Variants in FREM1 observed in about 807,000 individuals in gnomAD.
The protein encoded by FREM1 is FRAS1 related extracellular matrix 1, also known as FRAS1-related extracellular matrix protein 1.
A neutral mutation model predicts 210.1 loss-of-function variants in FREM1; 220 were observed. That is an observed-to-expected ratio of 1.05 (90% CI 0.94 to 1.17). The LOEUF is 1.17. Ranked by LOEUF, FREM1 falls within the 50% of genes most tolerant of loss-of-function variation. The pLI is 0.00. For missense variants in FREM1, 3,454 were observed against 2,675.5 expected (o/e 1.29, Z -6.42); for synonymous variants, 1,189 against 980.2 (o/e 1.21, Z -3.98).
In FREM1 at chr9:14,863,831, T is replaced by C; in HGVS notation, c.307A>G (p.Thr103Ala). Residue 103 changes from threonine (T) to alanine (A), a missense_variant, in exon 3 of 37, where the codon ACA (threonine) becomes GCA (alanine). Transcript: ENST00000380880. Reference sequence around the variant, plus strand: ...TACCTGTAAAGTCTGAGCTTCACTGTGTCTTCATCAAGAATTGGACAACCA... The same window carrying C: ...TACCTGTAAAGTCTGAGCTTCACTGCGTCTTCATCAAGAATTGGACAACCA... ...HNGCPILDED[T>A]VKLRLYRFTE... The C allele has an allele frequency of 6.2e-7, 1 of 1,612,466 alleles. No homozygotes were observed. The highest frequency in any genetic ancestry group is 1.1e-5 in the South Asian group (1 of 90,998).
chr9:14,901,370 C>A (rs995079388), intron 1 of FREM1, among the ~76,000 whole-genome samples: 10 of 152,270 alleles, frequency 6.6e-5, no homozygotes, highest in African/African-American at 2.4e-4. Flanking sequence ...TCAATTACTT[C>A]TGTTAATTTT....
rs796518188 is a variant in FREM1, at chr9:14,861,064, C to CAT, written c.330-1582_330-1581dup. On this transcript the variant is annotated intron_variant, in intron 3 of 36. Transcript: ENST00000380880. ...ATATATACATATATACATATATACACATATACATATATACATATATACACA... is the reference window on the plus strand; with the variant it reads ...ATATATACATATATACATATATACACATATATACATATATACATATATACACA... Among the ~76,000 whole-genome samples, 170 of 41,234 alleles carry CAT rather than the reference C, an allele frequency of 4.1e-3. 5 individuals are homozygous for CAT. Among genetic ancestry groups the CAT allele is most frequent in the African/African-American group, 0.013 (129 of 9,586 alleles). 27.1% of individuals were successfully genotyped at this position (41,234 alleles called of 152,430 possible). A position where few individuals can be genotyped will look rare whatever the true frequency, so the allele number is the denominator to read the frequency against.
intron 19 of FREM1, among the ~76,000 whole-genome samples, chr9:14,804,393 G>C (rs979476281): frequency 1.4e-4 from 21 of 152,150 alleles, no homozygotes; most frequent in African/African-American, 5.1e-4. Context: ...AGACCATCCT[G>C]GCTAACACGG....
intron 22 of FREM1, 102 bp downstream of exon 22, chr9:14,792,641 A>G: frequency 2.3e-6 from 2 of 875,864 alleles, no homozygotes; most frequent in East Asian, 2.8e-5. Context: ...CTAGGCAAAT[A>G]TATGTCTATC....
At position 14,880,988 on chromosome 9, in the gene FREM1, A is replaced by C. The variant is rs143826586; in HGVS notation, c.-267-11744T>G. The stretch of plus-strand genomic sequence containing the variant: ...GTGTGGCAATCCACCTATTAATTCC[A>C]AATGAAACTGAAGAATGCAGCAAAA... On this transcript the variant is annotated intron_variant, in intron 1 of 36. Transcript: ENST00000380880. Among the ~76,000 whole-genome samples the C allele has an allele frequency of 9.8e-5, 15 of 152,350 alleles. No individual in the cohort carries two copies. In the East Asian group the frequency reaches 2.9e-3, roughly 29 times the overall value.
chr9:14,840,521 C>T (rs1462191073), intron 10 of FREM1, among the ~76,000 whole-genome samples: 1 of 152,154 alleles, frequency 6.6e-6, no homozygotes, highest in Non-Finnish European at 1.5e-5. Context: ...TACAGGGGAC[C>T]ACCCGTTTTT....
chr9:14,818,176 T>C (rs1228471934), intron 14 of FREM1, among the ~76,000 whole-genome samples: 1 of 152,254 alleles, frequency 6.6e-6, no homozygotes, highest in Non-Finnish European at 1.5e-5. Context: ...GACAGTATGC[T>C]TGAACAGATA....
chr9:14,884,781 AC>A (rs1473146370), intron 1 of FREM1, among the ~76,000 whole-genome samples: 1 of 152,178 alleles, frequency 6.6e-6, no homozygotes, highest in African/African-American at 2.4e-5. Flanking sequence ...AATGGTAATG[AC>A]GTGCCTTGAT....
chr9:14,827,663 G>T (rs1320496442), intron 10 of FREM1, among the ~76,000 whole-genome samples: 1 of 152,182 alleles, frequency 6.6e-6, no homozygotes, highest in Non-Finnish European at 1.5e-5. Flanking sequence ...GAAACCAGCT[G>T]CTATTTATCA....
chr9:14,774,517 CTCTCT>C (rs1563893145), intron 25 of FREM1, among the ~76,000 whole-genome samples: 264 of 12,182 alleles, frequency 0.022, 2 homozygotes, highest in Middle Eastern at 0.056. Context: ...ATAAATCTCT[CTCTCT>C]CTCTCTCTCT....
intron 10 of FREM1, among the ~76,000 whole-genome samples, chr9:14,827,942 T>G (rs1822784977): frequency 6.6e-6 from 1 of 152,222 alleles, no homozygotes; most frequent in East Asian, 1.9e-4. Context: ...CAACTCTGCT[T>G]GTGTGCAGAG....
intron 14 of FREM1, 65 bp downstream of exon 14, chr9:14,819,169 G>T: frequency 1.7e-6 from 2 of 1,156,002 alleles, no homozygotes; most frequent in Non-Finnish European, 2.5e-6. Flanking sequence ...CTCTTACTCT[G>T]CCTCACAACT....
chr9:14,825,136 A>G, intron 10 of FREM1, 144 bp from the exon 11 acceptor site: 1 of 579,636 alleles, frequency 1.7e-6, no homozygotes, highest in Admixed American at 3.8e-5. Flanking sequence ...AGGAGCTATT[A>G]AGAATATGAG....
chr9:14,860,534 TATATATATACACATATATATACACAC>T (rs971440602), intron 3 of FREM1, among the ~76,000 whole-genome samples: 1 of 107,502 alleles, frequency 9.3e-6, no homozygotes, highest in South Asian at 2.6e-4. Flanking sequence ...AGTAGGTATG[TATATATATACACATATATATACACAC>T]ATATATATAC....
chr9:14,757,024 G>A lies in FREM1; in HGVS notation c.5335-578C>T, dbSNP rs577206033. Among the ~76,000 whole-genome samples the A allele has an allele frequency of 1.9e-4, 29 of 152,180 alleles. 1 individual carries two copies. In the South Asian group the frequency reaches 4.6e-3, roughly 24 times the overall value. On this transcript the variant is annotated intron_variant, in intron 28 of 36. Coordinates refer to ENST00000380880, the MANE Select transcript of FREM1 (RefSeq NM_001379081.2). ...CATGAAAGGAGAGTTTTGTGGAACC[G>A]GAAGACCTGGTGAACAACCAGACAA...
intron 1 of FREM1, among the ~76,000 whole-genome samples, chr9:14,874,850 T>C (rs1182917488): frequency 6.6e-6 from 1 of 152,212 alleles, no homozygotes; most frequent in African/African-American, 2.4e-5. Flanking sequence ...GGAGCTCTTT[T>C]AGGGCAGGCC....
At chr9:14,831,854 C>T (rs1315338569) in intron 10 of FREM1, among the ~76,000 whole-genome samples, 3 of 152,158 alleles carry the variant, frequency 2.0e-5, no homozygotes, top group Non-Finnish European at 2.9e-5. Context: ...CGCCATGGCT[C>T]GGAGGGTCAC....
At chr9:14,884,768 G>A (rs1179863157) in intron 1 of FREM1, among the ~76,000 whole-genome samples, 3 of 151,996 alleles carry the variant, frequency 2.0e-5, no homozygotes, top group African/African-American at 7.3e-5. Context: ...ATTCTTAACG[G>A]TCAATGGTAA....
chr9:14,745,654 G>C (rs1842283961), intron 35 of FREM1, among the ~76,000 whole-genome samples: 1 of 152,114 alleles, frequency 6.6e-6, no homozygotes, highest in Admixed American at 6.5e-5. Flanking sequence ...AATAACCAGA[G>C]ACTTCCCTAG....
Sources: allele counts gnomAD v4.1 joint callset (sites outside exome capture counted in the v4.1 genomes callset), GRCh38; gene constraint gnomAD v4.1.1; transcripts MANE v1.5; gene names NCBI Gene and HGNC (gene_info 2026-07-23, HGNC 2026-07-21).